The following MBD2 variants were observed in gnomAD, a reference collection of about 807,000 sequenced individuals.
The protein encoded by MBD2 is methyl-CpG-binding domain protein 2.
In MBD2, 9 loss-of-function variants were observed where a neutral mutation model predicts 39.3. The ratio of observed to expected loss-of-function variants is 0.23; its 90% CI spans 0.14 to 0.40. The LOEUF (loss-of-function observed/expected upper bound fraction) is 0.40, where lower values mean the gene tolerates loss of function less well. Ranked by LOEUF, MBD2 falls within the 10% of genes least tolerant of loss-of-function variation. The pLI, the probability that MBD2 is intolerant of heterozygous loss-of-function variation, is 1.00. For synonymous variants in MBD2, 233 were observed against 211.1 expected (o/e 1.10, Z -0.90); for missense variants, 458 against 532.6 (o/e 0.86, Z 1.38).
At position 54,175,983 on chromosome 18, in the gene MBD2, C is replaced by T. The variant is rs139093055; in HGVS notation, c.841-9817G>A. ...TTTTCTAATGAAAAAAATTTAAATG[C>T]GTAAGATATGTGATATACTTTTTAA... On this transcript the variant is annotated intron_variant, in intron 3 of 6. Coordinates refer to ENST00000256429, the MANE Select transcript of MBD2 (RefSeq NM_003927.5). 9.6e-3 allele frequency among the ~76,000 whole-genome samples: 1,454 copies of T among 152,086 alleles called. 20 individuals are homozygous for T. The highest frequency in any genetic ancestry group is 0.034 in the African/African-American group (1,393 of 41,462).
intron 1 of MBD2, among the ~76,000 whole-genome samples, chr18:54,213,416 A>G (rs1307419497): frequency 6.6e-6 from 1 of 152,218 alleles, no homozygotes; most frequent in Admixed American, 6.5e-5. Flanking sequence ...ACCATTCGGG[A>G]TCCATGGAAA....
rs889034646 is a variant in MBD2 at position 54,152,199 on chromosome 18, C to T, written c.*3125G>A. ...AGGGACAGCTTCACAGAGGAGGTAG[C>T]CATTGAGCTGAGACTTCATCAATGA... On this transcript the variant is annotated 3_prime_UTR_variant, in exon 7 of 7. Transcript: ENST00000256429. The T allele has an allele frequency of 6.6e-6, 1 of 152,146 alleles. No homozygotes were observed. The highest frequency in any genetic ancestry group is 1.5e-5 in the Non-Finnish European group (1 of 68,058). 9.4% of individuals were successfully genotyped at this position (152,146 alleles called of 1,614,324 possible). A position where few individuals can be genotyped will look rare whatever the true frequency, so the allele number is the denominator to read the frequency against.
intron 4 of MBD2, among the ~76,000 whole-genome samples, chr18:54,165,733 A>T (rs1055138298): frequency 7.2e-5 from 11 of 152,238 alleles, no homozygotes; most frequent in Admixed American, 7.2e-4. Context: ...AGATGTTGCT[A>T]TAAGCAGGAA....
At chr18:54,158,325 A>G (rs1221028578) in intron 6 of MBD2, among the ~76,000 whole-genome samples, 1 of 152,080 alleles carries the variant, frequency 6.6e-6, no homozygotes, top group Non-Finnish European at 1.5e-5. Flanking sequence ...GCTCACTCCT[A>G]TATATCTTTC....
intron 3 of MBD2, among the ~76,000 whole-genome samples, chr18:54,186,153 G>A (rs887720510): frequency 6.6e-6 from 1 of 151,886 alleles, no homozygotes; most frequent in African/African-American, 2.4e-5. Context: ...CTAGTTATAG[G>A]CCTCAAAATT....
intron 1 of MBD2, among the ~76,000 whole-genome samples, chr18:54,210,086 T>A (rs527252840): frequency 6.6e-6 from 1 of 152,132 alleles, no homozygotes; most frequent in Non-Finnish European, 1.5e-5. Context: ...TATTTCACTT[T>A]CAACCACAAA....
chr18:54,171,101 G>A (rs1428542432), intron 3 of MBD2, among the ~76,000 whole-genome samples: 1 of 151,936 alleles, frequency 6.6e-6, no homozygotes, highest in African/African-American at 2.4e-5. Context: ...GGTTTGGTTT[G>A]TGTTGAAAGA....
At chr18:54,199,058 A>G (rs1386577797) in intron 2 of MBD2, among the ~76,000 whole-genome samples, 2 of 152,204 alleles carry the variant, frequency 1.3e-5, no homozygotes, top group East Asian at 1.9e-4. Context: ...GATTGGGACT[A>G]AGAGACAGGA....
intron 2 of MBD2, among the ~76,000 whole-genome samples, chr18:54,201,800 T>C (rs2086409829): frequency 6.6e-6 from 1 of 150,796 alleles, no homozygotes; most frequent in South Asian, 2.1e-4. Context: ...GAGGCAAAGC[T>C]TGCAGTAAGC....
intron 1 of MBD2, among the ~76,000 whole-genome samples, chr18:54,219,158 T>C (rs1460720976): frequency 6.6e-6 from 1 of 152,224 alleles, no homozygotes; most frequent in Non-Finnish European, 1.5e-5. Context: ...CTGTGCACTA[T>C]GAGCAACCTA....
chr18:54,210,880 T>C (rs970502954), intron 1 of MBD2, among the ~76,000 whole-genome samples: 4 of 146,492 alleles, frequency 2.7e-5, no homozygotes, highest in African/African-American at 1.0e-4. Context: ...TTTTTTTTTT[T>C]TTTTTTTTTG....
At chr18:54,215,801 TTTTG>T (rs1163663127) in intron 1 of MBD2, among the ~76,000 whole-genome samples, 1 of 147,760 alleles carries the variant, frequency 6.8e-6, no homozygotes, top group Non-Finnish European at 1.5e-5. Flanking sequence ...GCCTTTTTTT[TTTTG>T]TTTGTTTGTT....
chr18:54,176,211 GGCAGCTAAAT>G (rs2086212026), intron 3 of MBD2, among the ~76,000 whole-genome samples: 1 of 152,226 alleles, frequency 6.6e-6, no homozygotes, highest in Non-Finnish European at 1.5e-5. Flanking sequence ...GCGCTGGTTT[GGCAGCTAAAT>G]GCTTTAATCC....
intron 3 of MBD2, among the ~76,000 whole-genome samples, chr18:54,179,535 ATTC>A (rs1385880922): frequency 6.6e-6 from 1 of 152,244 alleles, no homozygotes; most frequent in Non-Finnish European, 1.5e-5. Context: ...TACTCCAGGA[ATTC>A]TAGATCTGTT....
At chr18:54,204,246 G>A (rs894721241) in intron 2 of MBD2, among the ~76,000 whole-genome samples, 5 of 152,208 alleles carry the variant, frequency 3.3e-5, no homozygotes, top group African/African-American at 1.2e-4. Context: ...TTGAAGTTTA[G>A]AGGAAGAAAA....
chr18:54,211,390 C>G (rs926099347), intron 1 of MBD2, among the ~76,000 whole-genome samples: 14 of 143,932 alleles, frequency 9.7e-5, no homozygotes, highest in Non-Finnish European at 1.8e-4. Context: ...TATTGCTATA[C>G]ACACACACAC....
chr18:54,213,775 G>A (rs912094982), intron 1 of MBD2, among the ~76,000 whole-genome samples: 1 of 151,896 alleles, frequency 6.6e-6, no homozygotes, highest in Non-Finnish European at 1.5e-5. Flanking sequence ...GACTATATAG[G>A]GATTCATTAT....
chr18:54,166,268 C>T, intron 3 of MBD2, 102 bp from the exon 4 acceptor site: 1 of 690,040 alleles, frequency 1.4e-6, no homozygotes, highest in African/African-American at 1.8e-5. Flanking sequence ...CAATAGTTTC[C>T]TATAATTTCC....
intron 1 of MBD2, among the ~76,000 whole-genome samples, chr18:54,206,125 A>G (rs2086448254): frequency 6.6e-6 from 1 of 152,234 alleles, no homozygotes; most frequent in African/African-American, 2.4e-5. Flanking sequence ...ATTTGTGAAC[A>G]TGCTTGTACA....
Sources: gnomAD v4.1 joint callset for allele counts (sites outside exome capture counted in the v4.1 genomes callset) on GRCh38, gnomAD v4.1.1 for gene constraint, MANE v1.5 for transcripts, NCBI Gene and HGNC (gene_info 2026-07-23, HGNC 2026-07-21) for gene names.